CDCA2: variants seen among roughly 807,000 people sequenced by gnomAD.
CDCA2 encodes the protein cell division cycle associated 2.
Under a neutral mutation model 67.0 loss-of-function variants are expected in CDCA2, and 44 were observed. That is an observed-to-expected ratio of 0.66 (90% CI 0.52 to 0.84). The LOEUF (loss-of-function observed/expected upper bound fraction) is 0.84. CDCA2 is among the 40% of genes least tolerant of loss of function. The pLI, the probability that CDCA2 is intolerant of heterozygous loss-of-function variation, is 0.00. For synonymous variants in CDCA2, 447 were observed against 418.7 expected, an observed-to-expected ratio of 1.07 and a Z score of -0.82; for missense variants, 1,253 against 1,203.2, an observed-to-expected ratio of 1.04 and a Z score of -0.61.
intron 5 of CDCA2, among the ~76,000 whole-genome samples, chr8:25,467,080 A>G (rs1263712863): frequency 1.3e-5 from 2 of 148,950 alleles, no homozygotes; most frequent in Non-Finnish European, 3.0e-5. Flanking sequence ...ACACACACAC[A>G]CAAATATATC....
At chr8:25,467,065 A>AAAAAAAAAC (rs1468639428) in intron 5 of CDCA2, among the ~76,000 whole-genome samples, 5 of 126,252 alleles carry the variant, frequency 4.0e-5, no homozygotes, top group Admixed American at 8.7e-5. Context: ...AAAAAAAAAA[A>AAAAAAAAAC]ACACACACAC....
chr8:25,495,434 A>AGATG (rs1554526034), intron 13 of CDCA2, among the ~76,000 whole-genome samples: 183 of 132,792 alleles, frequency 1.4e-3, no homozygotes, highest in African/African-American at 4.7e-3. Flanking sequence ...TTTTTTTTTG[A>AGATG]GATGGAGTCT....
At chr8:25,481,883 A>T (rs1159503358) in intron 8 of CDCA2, among the ~76,000 whole-genome samples, 2 of 152,236 alleles carry the variant, frequency 1.3e-5, no homozygotes, top group Admixed American at 1.3e-4. Flanking sequence ...TCCTGGTCAG[A>T]AAAATGAACT....
intron 12 of CDCA2, among the ~76,000 whole-genome samples, chr8:25,487,647 G>T (rs896713679): frequency 6.6e-6 from 1 of 152,138 alleles, no homozygotes; most frequent in African/African-American, 2.4e-5. Flanking sequence ...GGAGGCTGAG[G>T]CAGGAGAATG....
chr8:25,470,329 T>G (rs1803101940), intron 7 of CDCA2, among the ~76,000 whole-genome samples: 1 of 152,236 alleles, frequency 6.6e-6, no homozygotes, highest in Non-Finnish European at 1.5e-5. Context: ...AAAATTATTC[T>G]TTCTCAAAAT....
chr8:25,467,178 C>A (rs778989008), intron 5 of CDCA2, among the ~76,000 whole-genome samples: 21 of 150,428 alleles, frequency 1.4e-4, no homozygotes, highest in Non-Finnish European at 1.3e-4. Context: ...CCCCCAATCA[C>A]GAAGCATTTC....
At position 25,485,785 on chromosome 8, in the gene CDCA2, A is replaced by G; in HGVS notation, c.1392A>G (p.Ser464=). ...AAAACATAGAACCACTTCAAGTATC[A>G]TTTGCCGTTCTCAGTTCTCCTAATA... ...NLENIEPLQV[S]FAVLSSPNKS... Residue 464 remains serine (S), a synonymous_variant, in exon 11 of 15, where the codon TCA becomes TCG. Transcript: ENST00000330560. The G allele has an allele frequency of 1.2e-6, 2 of 1,607,744 alleles. No homozygotes were observed. The highest frequency in any genetic ancestry group is 1.7e-6 in the Non-Finnish European group (2 of 1,176,632).
intron 7 of CDCA2, among the ~76,000 whole-genome samples, chr8:25,475,970 C>T (rs1364445999): frequency 6.6e-6 from 1 of 152,212 alleles, no homozygotes; most frequent in East Asian, 1.9e-4. Flanking sequence ...GCTTCCCACT[C>T]ACTCTTCCCA....
At chr8:25,482,530 T>C (rs1317312528) in intron 8 of CDCA2, among the ~76,000 whole-genome samples, 6 of 152,192 alleles carry the variant, frequency 3.9e-5, no homozygotes, top group Non-Finnish European at 5.9e-5. Context: ...TATAACAGCA[T>C]CATACCATAC....
At chr8:25,468,659 C>T (rs565287308) in intron 6 of CDCA2, among the ~76,000 whole-genome samples, 1 of 152,088 alleles carries the variant, frequency 6.6e-6, no homozygotes, top group Admixed American at 6.6e-5. Context: ...GACTACTAAC[C>T]TTACAAAGAG....
intron 4 of CDCA2, among the ~76,000 whole-genome samples, chr8:25,463,690 G>C (rs1005302438): frequency 3.3e-5 from 5 of 152,050 alleles, no homozygotes; most frequent in African/African-American, 1.2e-4. Context: ...CTATCCCACA[G>C]AGCAGTCAAG....
chr8:25,460,360 C>G, intron 2 of CDCA2, 24 bp from the exon 3 acceptor site: 1 of 1,614,170 alleles, frequency 6.2e-7, no homozygotes, highest in Non-Finnish European at 8.5e-7. Flanking sequence ...TGTCCTCACC[C>G]CTACAATATG....
chr8:25,507,675 G>A lies in CDCA2; in HGVS notation c.3009G>A (p.Gly1003=), dbSNP rs746916364. 3.1e-6 allele frequency: 5 copies of A among 1,614,058 alleles called. No individual in the cohort carries two copies. The highest frequency in any genetic ancestry group is 4.2e-6 in the Non-Finnish European group (5 of 1,180,034). The change falls in exon 15 of 15, where the codon GGG becomes GGA. Residue 1003 remains glycine (G), a synonymous_variant. Coordinates refer to ENST00000330560, the MANE Select transcript of CDCA2 (RefSeq NM_152562.4). The stretch of plus-strand genomic sequence containing the variant: ...ACCGGAGAAGATCCTCTCTTAATGG[G>A]AAGGGAGAGAGCTCTCTGACTGCCT... ...KGYRRRSSLN[G]KGESSLTALE... is the part of the protein sequence containing the mutation.
chr8:25,487,116 C>A, intron 11 of CDCA2, 130 bp from the exon 12 acceptor site: 1 of 606,774 alleles, frequency 1.6e-6, no homozygotes. Context: ...ATTTCTGCTG[C>A]TTGGCTCCTC....
chr8:25,467,518 A>G (rs1802962863), intron 5 of CDCA2, among the ~76,000 whole-genome samples: 1 of 152,198 alleles, frequency 6.6e-6, no homozygotes, highest in African/African-American at 2.4e-5. Context: ...AAAAACAGGT[A>G]CGTTGTGGTT....
rs1249686604 is a variant in CDCA2, at chr8:25,462,312, T to C, written c.387+104T>C. The C allele has an allele frequency of 1.4e-5, 18 of 1,296,870 alleles. No individual in the cohort carries two copies. In the East Asian group the frequency reaches 4.0e-4, roughly 29 times the overall value. 80.3% of individuals were successfully genotyped at this position (1,296,870 alleles called of 1,614,324 possible). A position where few individuals can be genotyped will look rare whatever the true frequency, so the allele number is the denominator to read the frequency against. ...GCTCTGTTTCAAATCTGGAGGGAGA[T>C]TTTCTCTGTGTTTTAGAGAACATGC... is the stretch of plus-strand genomic sequence containing the variant. On this transcript the variant is annotated intron_variant, in intron 4 of 14. Transcript: ENST00000330560.
chr8:25,476,713 C>T (rs1480261908), intron 7 of CDCA2, among the ~76,000 whole-genome samples: 1 of 151,980 alleles, frequency 6.6e-6, no homozygotes, highest in Admixed American at 6.6e-5. Flanking sequence ...GCCACCACAC[C>T]CAGCTAATTT....
chr8:25,478,657 G>A (rs1193651687), intron 7 of CDCA2, among the ~76,000 whole-genome samples: 1 of 151,902 alleles, frequency 6.6e-6, no homozygotes, highest in Non-Finnish European at 1.5e-5. Flanking sequence ...AGCCTTGCTG[G>A]GCCTCTGCTA....
chr8:25,500,295 G>A (rs1191925257), intron 13 of CDCA2, among the ~76,000 whole-genome samples: 2 of 146,598 alleles, frequency 1.4e-5, no homozygotes, highest in African/African-American at 5.1e-5. Context: ...CTATTCTGGC[G>A]ATTATAATCT....
Sources: gnomAD v4.1 joint callset for allele counts (sites outside exome capture counted in the v4.1 genomes callset) on GRCh38, gnomAD v4.1.1 for gene constraint, MANE v1.5 for transcripts, NCBI Gene and HGNC (gene_info 2026-07-23, HGNC 2026-07-21) for gene names.